The following ASTN1 variants were observed in gnomAD, a reference collection of about 807,000 sequenced individuals.
ASTN1 encodes the protein astrotactin-1.
A neutral mutation model predicts 140.7 loss-of-function variants in ASTN1; 41 were observed. The observed-to-expected ratio is 0.29, with a 90% CI of 0.23 to 0.38. ASTN1 has a LOEUF of 0.38. Among genes scored for constraint, ASTN1 ranks in the 10% least tolerant of loss-of-function variants. ASTN1 has a pLI of 1.00. For missense variants in ASTN1, 1,479 were observed against 1,678.8 expected, an observed-to-expected ratio of 0.88 and a Z score of 2.08; for synonymous variants, 640 against 652.2, an observed-to-expected ratio of 0.98 and a Z score of 0.29.
Position 176,875,176 on chromosome 1 carries a change from T to A in ASTN1, c.3463+1361A>T, listed in dbSNP as rs1372125447. Among the ~76,000 whole-genome samples, 5 of 152,116 alleles carry A rather than the reference T, an allele frequency of 3.3e-5. No homozygotes were observed. In the East Asian group the frequency reaches 7.7e-4, roughly 23 times the overall value. On this transcript the variant is annotated intron_variant, in intron 21 of 22. Coordinates refer to ENST00000361833, the MANE Select transcript of ASTN1 (RefSeq NM_004319.3). ...AGATTTGCAGAATAAGAGGTGTTCA[T>A]CAGTTGACAGGGTAAGAGAATTCTA...
intron 8 of ASTN1, among the ~76,000 whole-genome samples, chr1:176,999,298 A>G (rs566661606): frequency 6.6e-6 from 1 of 152,332 alleles, no homozygotes; most frequent in Admixed American, 6.5e-5. Context: ...ATTCACTAAC[A>G]AGACAAAATC....
Position 176,949,469 on chromosome 1 carries a change from C to G in ASTN1, c.1888-118G>C, listed in dbSNP as rs1031919367. On this transcript the variant is annotated intron_variant, in intron 11 of 22. Transcript: ENST00000361833. ...ACTCAGCCTTGAAACTATTAACATT[C>G]GCAAGTAATCCATGAATTTCCTACC... The G allele has an allele frequency of 6.2e-6, 7 of 1,130,276 alleles. No homozygotes were observed. In the South Asian group the frequency reaches 1.2e-4, roughly 19 times the overall value. 70.0% of individuals were successfully genotyped at this position (1,130,276 alleles called of 1,614,324 possible).
At chr1:177,026,239 C>T (rs1676105065) in intron 5 of ASTN1, among the ~76,000 whole-genome samples, 1 of 152,110 alleles carries the variant, frequency 6.6e-6, no homozygotes, top group Non-Finnish European at 1.5e-5. Flanking sequence ...TGTTACTATC[C>T]TTTCATAATA....
chr1:176,990,756 T>C (rs1674120898), intron 8 of ASTN1, among the ~76,000 whole-genome samples: 1 of 152,114 alleles, frequency 6.6e-6, no homozygotes, highest in African/African-American at 2.4e-5. Context: ...CAACTTTACA[T>C]AAATCAGGCA....
At chr1:176,962,145 G>C (rs150403635) in intron 9 of ASTN1, among the ~76,000 whole-genome samples, 2 of 152,322 alleles carry the variant, frequency 1.3e-5, no homozygotes, top group African/African-American at 4.8e-5. Flanking sequence ...CACTTTGAGG[G>C]AAGGTCTCTG....
rs189888834 is a variant in ASTN1 at position 176,882,815 on chromosome 1, G to T, written c.3362+44C>A. On this transcript the variant is annotated intron_variant, in intron 20 of 22. Coordinates refer to ENST00000361833, the MANE Select transcript of ASTN1 (RefSeq NM_004319.3). Reference sequence around the variant, plus strand: ...AGAAGAAACCGGTAAGAAGCCTTGGGACTGTCAGGGTAAGAAGTCACTAGG... The same window carrying T: ...AGAAGAAACCGGTAAGAAGCCTTGGTACTGTCAGGGTAAGAAGTCACTAGG... The T allele has an allele frequency of 2.1e-5, 34 of 1,611,346 alleles. No individual in the cohort carries two copies. In the African/African-American group the frequency reaches 4.0e-4, roughly 19 times the overall value.
intron 8 of ASTN1, chr1:176,976,975 C>G (rs1673393473): frequency 6.6e-6 from 1 of 152,262 alleles, no homozygotes; most frequent in Non-Finnish European, 1.5e-5. Flanking sequence ...ACGGTGCAAA[C>G]CTGGGGCCTC....
At chr1:176,871,858 G>A (rs934952061) in intron 21 of ASTN1, among the ~76,000 whole-genome samples, 1 of 152,234 alleles carries the variant, frequency 6.6e-6, no homozygotes, top group Non-Finnish European at 1.5e-5. Flanking sequence ...ATTCAAGACA[G>A]ATACCTGTCT....
intron 1 of ASTN1, among the ~76,000 whole-genome samples, chr1:177,109,765 TA>T (rs1680728679): frequency 6.6e-6 from 1 of 152,206 alleles, no homozygotes; most frequent in Non-Finnish European, 1.5e-5. Flanking sequence ...TGCCTCAAGA[TA>T]AAGAAGACAG....
intron 1 of ASTN1, among the ~76,000 whole-genome samples, chr1:177,159,053 C>G (rs554765171): frequency 7.9e-6 from 1 of 126,200 alleles, no homozygotes; most frequent in East Asian, 2.2e-4. Context: ...GGCAACAAAG[C>G]GAGGATCCAT....
chr1:177,087,400 C>T (rs1679527819), intron 1 of ASTN1, among the ~76,000 whole-genome samples: 1 of 152,164 alleles, frequency 6.6e-6, no homozygotes, highest in Non-Finnish European at 1.5e-5. Flanking sequence ...AAACCAGTAA[C>T]AGTACCTGTG....
At chr1:177,079,809 T>C (rs1679090415) in intron 1 of ASTN1, among the ~76,000 whole-genome samples, 1 of 152,166 alleles carries the variant, frequency 6.6e-6, no homozygotes. Context: ...TTAAGTATTT[T>C]GCACAAGGTT....
intron 2 of ASTN1, among the ~76,000 whole-genome samples, chr1:177,055,962 A>G (rs7548487): frequency 0.15 from 22,982 of 152,128 alleles, 2,032 homozygotes; most frequent in African/African-American, 0.25. Flanking sequence ...TGTTGATGAC[A>G]CACAGTGACT....
chr1:176,904,980 A>G (rs78173935), intron 16 of ASTN1, among the ~76,000 whole-genome samples: 4,074 of 152,240 alleles, frequency 0.027, 165 homozygotes, highest in African/African-American at 0.09. Flanking sequence ...GTTTGGGCAG[A>G]ACCATCAGCC....
At chr1:177,093,364 G>C (rs1342408181) in intron 1 of ASTN1, among the ~76,000 whole-genome samples, 1 of 152,160 alleles carries the variant, frequency 6.6e-6, no homozygotes, top group African/African-American at 2.4e-5. Flanking sequence ...CATAACGTTA[G>C]AGTCATCAAA....
intron 1 of ASTN1, among the ~76,000 whole-genome samples, chr1:177,089,453 C>A (rs559603540): frequency 6.6e-6 from 1 of 152,080 alleles, no homozygotes; most frequent in Non-Finnish European, 1.5e-5. Context: ...GAGAGAGAGA[C>A]GCACTGGGAC....
chr1:176,877,764 A>G (rs774610607), intron 20 of ASTN1, among the ~76,000 whole-genome samples: 1 of 152,106 alleles, frequency 6.6e-6, no homozygotes, highest in African/African-American at 2.4e-5. Flanking sequence ...TCACCACAGG[A>G]GGCTGCATTT....
At chr1:177,120,568 T>G (rs570618252) in intron 1 of ASTN1, among the ~76,000 whole-genome samples, 1 of 152,320 alleles carries the variant, frequency 6.6e-6, no homozygotes, top group East Asian at 1.9e-4. Context: ...TTCTTTTCCC[T>G]TCTCTTAAAC....
intron 8 of ASTN1, among the ~76,000 whole-genome samples, chr1:176,985,993 T>C (rs1481963741): frequency 6.6e-6 from 1 of 151,738 alleles, no homozygotes. Flanking sequence ...GTGAGCAGGG[T>C]GAACTGGATG....
Sources: allele counts gnomAD v4.1 joint callset (sites outside exome capture counted in the v4.1 genomes callset), GRCh38; gene constraint gnomAD v4.1.1; transcripts MANE v1.5; gene names NCBI Gene and HGNC (gene_info 2026-07-23, HGNC 2026-07-21).